The following CNTNAP2 variants were observed in gnomAD, a reference collection of about 807,000 sequenced individuals.
CNTNAP2 encodes the protein contactin-associated protein-like 2.
Under a neutral mutation model 155.2 loss-of-function variants are expected in CNTNAP2, and 98 were observed. That is an observed-to-expected ratio of 0.63 (90% CI 0.54 to 0.75). The LOEUF (loss-of-function observed/expected upper bound fraction) is 0.75, where lower values mean the gene tolerates loss of function less well. Ranked by LOEUF, CNTNAP2 falls within the 30% of genes least tolerant of loss-of-function variation. The pLI is 0.00. For synonymous variants in CNTNAP2, 651 were observed against 631.2 expected (o/e 1.03, Z -0.47); for missense variants, 1,727 against 1,688.1 (o/e 1.02, Z -0.40).
At chr7:147,356,183 A>C (rs1027664114) in intron 9 of CNTNAP2, among the ~76,000 whole-genome samples, 3 of 152,172 alleles carry the variant, frequency 2.0e-5, no homozygotes, top group Admixed American at 6.6e-5. Context: ...AAAGACAAAA[A>C]CTACATGATT....
At chr7:147,189,582 A>T (rs1802636663) in intron 8 of CNTNAP2, among the ~76,000 whole-genome samples, 1 of 152,232 alleles carries the variant, frequency 6.6e-6, no homozygotes, top group Non-Finnish European at 1.5e-5. Flanking sequence ...CACATCTCTA[A>T]GTATAAATGC....
rs757442166 is a variant in CNTNAP2, at chr7:148,415,562, C to T, written c.3942C>T (p.Asn1314=). Residue 1314 remains asparagine (N), a synonymous_variant, in exon 24 of 24, where the codon AAC becomes AAT. Transcript: ENST00000361727. ...AESADAAIMN[N]DPNFTETIDE... is the part of the protein sequence containing the mutation. Reference sequence around the variant, plus strand: ...GCGCGGACGCCGCCATCATGAACAACGACCCCAACTTCACAGAGACCATTG... The same window carrying T: ...GCGCGGACGCCGCCATCATGAACAATGACCCCAACTTCACAGAGACCATTG... The T allele has an allele frequency of 1.1e-5, 18 of 1,614,206 alleles. No individual in the cohort carries two copies. Among genetic ancestry groups the T allele is most frequent in the Admixed American group, 1.7e-5 (1 of 60,034 alleles).
chr7:147,031,307 T>C (rs925975429), intron 3 of CNTNAP2, among the ~76,000 whole-genome samples: 14 of 152,176 alleles, frequency 9.2e-5, no homozygotes, highest in Admixed American at 2.0e-4. Flanking sequence ...TATATTAGAT[T>C]ATCATCTGAA....
intron 11 of CNTNAP2, among the ~76,000 whole-genome samples, chr7:147,518,324 G>C (rs952386086): frequency 6.6e-6 from 1 of 152,156 alleles, no homozygotes; most frequent in African/African-American, 2.4e-5. Context: ...AAAAAAAGGA[G>C]AATGTGAGAG....
intron 11 of CNTNAP2, among the ~76,000 whole-genome samples, chr7:147,522,960 G>C (rs1799255796): frequency 1.3e-5 from 2 of 152,110 alleles, no homozygotes; most frequent in Admixed American, 1.3e-4. Flanking sequence ...TACTAGTTAT[G>C]TGTTACAGAG....
chr7:147,299,438 T>G (rs941440626), intron 8 of CNTNAP2, among the ~76,000 whole-genome samples: 7 of 151,874 alleles, frequency 4.6e-5, no homozygotes, highest in Admixed American at 2.6e-4. Context: ...TTGCTGTTTT[T>G]TTTTTTTAAT....
intron 3 of CNTNAP2, among the ~76,000 whole-genome samples, chr7:146,974,971 A>T (rs1057206392): frequency 4.0e-5 from 6 of 148,960 alleles, no homozygotes; most frequent in Non-Finnish European, 8.8e-5. Context: ...GACTCTATCT[A>T]AAAAAACAAA....
In CNTNAP2 at chr7:148,147,691, T is replaced by A; in HGVS notation, c.2755T>A (p.Tyr919Asn). 1.9e-6 allele frequency: 3 copies of A among 1,613,356 alleles called. No homozygotes were observed. Among genetic ancestry groups the A allele is most frequent in the Non-Finnish European group, 2.5e-6 (3 of 1,179,836 alleles). Reference protein sequence around the residue: ...PTEGHTRLELYSQLFVGGAGG... With the variant: ...PTEGHTRLELNSQLFVGGAGG... The stretch of plus-strand genomic sequence containing the variant: ...AGAAGGCCACACCCGCCTGGAGCTC[T>A]ACAGCCAGTTATTTGTGGGTAAGTA... Residue 919 changes from tyrosine (Y) to asparagine (N), a missense_variant, in exon 17 of 24, where the codon TAC (tyrosine) becomes AAC (asparagine). Physicochemically the swap from Tyr to Asn is moderately radical, Grantham distance 143 (BLOSUM62 -2). Transcript: ENST00000361727.
chr7:146,663,960 C>T (rs988406266), intron 1 of CNTNAP2, among the ~76,000 whole-genome samples: 2 of 151,850 alleles, frequency 1.3e-5, no homozygotes, highest in African/African-American at 2.4e-5. Context: ...AGGGGAAAAA[C>T]GTTCAGTCTT....
chr7:146,792,960 T>G (rs774499076), intron 2 of CNTNAP2, among the ~76,000 whole-genome samples: 6 of 152,200 alleles, frequency 3.9e-5, no homozygotes, highest in Non-Finnish European at 8.8e-5. Context: ...TATATGTAAT[T>G]TTCAATTATC....
intron 3 of CNTNAP2, among the ~76,000 whole-genome samples, chr7:146,858,634 C>A (rs1403614672): frequency 1.3e-5 from 2 of 152,128 alleles, no homozygotes; most frequent in Non-Finnish European, 1.5e-5. Context: ...GTCGAGGCTG[C>A]AGTCAGCCAT....
At chr7:146,463,940 G>A (rs1360302181) in intron 1 of CNTNAP2, among the ~76,000 whole-genome samples, 1 of 151,856 alleles carries the variant, frequency 6.6e-6, no homozygotes, top group Non-Finnish European at 1.5e-5. Context: ...GGTGAGCCTG[G>A]GAGGAATGAT....
chr7:147,085,809 T>A (rs1463454347), intron 4 of CNTNAP2: 1 of 152,220 alleles, frequency 6.6e-6, no homozygotes, highest in African/African-American at 2.4e-5. Context: ...CAAGTTGTCC[T>A]CTGGTCCAGT....
intron 1 of CNTNAP2, among the ~76,000 whole-genome samples, chr7:146,160,950 T>C (rs1291073644): frequency 1.3e-5 from 2 of 152,190 alleles, no homozygotes; most frequent in East Asian, 3.9e-4. Flanking sequence ...GCAAAAATCC[T>C]CAATAAAATA....
chr7:148,267,183 G>C, intron 21 of CNTNAP2, 57 bp downstream of exon 21: 2 of 1,454,964 alleles, frequency 1.4e-6, no homozygotes, highest in South Asian at 2.3e-5. Context: ...TGGGTAATGT[G>C]AGTTTGGATT....
intron 15 of CNTNAP2, among the ~76,000 whole-genome samples, chr7:148,049,056 A>C (rs1802833404): frequency 1.3e-5 from 2 of 152,244 alleles, no homozygotes; most frequent in South Asian, 4.2e-4. Context: ...TACTAAAAAT[A>C]CAAAAAAAAT....
chr7:147,639,457 G>T, intron 13 of CNTNAP2, 151 bp downstream of exon 13: 1 of 767,566 alleles, frequency 1.3e-6, no homozygotes. Flanking sequence ...CATTGGGCTT[G>T]TTTTCTGGGG....
intron 4 of CNTNAP2, among the ~76,000 whole-genome samples, chr7:147,096,974 C>A (rs952258110): frequency 3.9e-5 from 6 of 152,008 alleles, no homozygotes; most frequent in Admixed American, 2.0e-4. Context: ...TTTACTAAGC[C>A]TATTTTATGG....
At chr7:147,483,294 T>C (rs1480655963) in intron 10 of CNTNAP2, among the ~76,000 whole-genome samples, 1 of 151,952 alleles carries the variant, frequency 6.6e-6, no homozygotes, top group African/African-American at 2.4e-5. Flanking sequence ...TGTGCATAGG[T>C]TATATGCAAA....
Sources: allele counts gnomAD v4.1 joint callset (sites outside exome capture counted in the v4.1 genomes callset), GRCh38; gene constraint gnomAD v4.1.1; transcripts MANE v1.5; gene names NCBI Gene and HGNC (gene_info 2026-07-23, HGNC 2026-07-21).